CTNNA3: variants seen among roughly 807,000 people sequenced by gnomAD.
The protein encoded by CTNNA3 is catenin alpha 3.
Under a neutral mutation model 95.7 loss-of-function variants are expected in CTNNA3, and 76 were observed. That is an observed-to-expected ratio of 0.79 (90% CI 0.66 to 0.96). The LOEUF (loss-of-function observed/expected upper bound fraction) is 0.96, where lower values mean the gene tolerates loss of function less well. CTNNA3 is among the 40% of genes least tolerant of loss of function. The pLI, the probability that CTNNA3 is intolerant of heterozygous loss-of-function variation, is 0.00. For missense variants in CTNNA3, 1,191 were observed against 1,089.8 expected (o/e 1.09, Z -1.31); for synonymous variants, 431 against 374.4 (o/e 1.15, Z -1.74).
chr10:66,304,363 G>A (rs949752016), intron 12 of CTNNA3, among the ~76,000 whole-genome samples: 2 of 152,140 alleles, frequency 1.3e-5, no homozygotes, highest in Non-Finnish European at 2.9e-5. Flanking sequence ...AACAGCCACA[G>A]AACCTATGGC....
chr10:67,055,038 C>A (rs1855340369), intron 7 of CTNNA3: 1 of 151,728 alleles, frequency 6.6e-6, no homozygotes, highest in Admixed American at 6.6e-5. Context: ...ACTCATTAAC[C>A]AGGACATTGC....
chr10:66,784,179 T>C (rs1427118180), intron 7 of CTNNA3, among the ~76,000 whole-genome samples: 2 of 152,196 alleles, frequency 1.3e-5, no homozygotes, highest in Admixed American at 6.5e-5. Flanking sequence ...CTATCATTTC[T>C]TTCCTAAATT....
intron 15 of CTNNA3, among the ~76,000 whole-genome samples, chr10:66,062,514 C>T (rs2080224100): frequency 1.3e-5 from 2 of 152,068 alleles, no homozygotes; most frequent in Admixed American, 1.3e-4. Context: ...TATAAAACTG[C>T]TAAGTTTAAC....
chr10:65,944,257 C>T (rs2077476092), intron 17 of CTNNA3, among the ~76,000 whole-genome samples: 1 of 152,246 alleles, frequency 6.6e-6, no homozygotes. Flanking sequence ...TACAGTTTCC[C>T]TGGAGCTCGT....
intron 10 of CTNNA3, among the ~76,000 whole-genome samples, chr10:66,569,560 T>C (rs1225158045): frequency 6.6e-6 from 1 of 152,170 alleles, no homozygotes; most frequent in Non-Finnish European, 1.5e-5. Flanking sequence ...TTTTAATTAA[T>C]AAGCAGGACA....
At chr10:67,455,496 A>G (rs183018780) in intron 5 of CTNNA3, among the ~76,000 whole-genome samples, 61 of 152,292 alleles carry the variant, frequency 4.0e-4, no homozygotes, top group African/African-American at 1.4e-3. Context: ...AGGGGAAGGG[A>G]CAGGGTGAGG....
chr10:65,970,000 A>G (rs1357851758), intron 16 of CTNNA3, among the ~76,000 whole-genome samples: 5 of 152,160 alleles, frequency 3.3e-5, no homozygotes, highest in African/African-American at 4.8e-5. Context: ...TACTAAAGAA[A>G]AAATCTCAAA....
intron 11 of CTNNA3, among the ~76,000 whole-genome samples, chr10:66,484,659 A>C (rs919859492): frequency 2.0e-5 from 3 of 152,066 alleles, no homozygotes; most frequent in Non-Finnish European, 2.9e-5. Flanking sequence ...AACATGATGA[A>C]CTGCAACTCC....
chr10:67,297,431 C>T lies in CTNNA3; in HGVS notation c.580-77561G>A, dbSNP rs143386175. ...ACAACTAGATGTAGTGCTCAGAGTT[C>T]AGCCCACTGGAAGGATTTCCCTTCC... On this transcript the variant is annotated intron_variant, in intron 5 of 17. Coordinates refer to ENST00000433211, the MANE Select transcript of CTNNA3 (RefSeq NM_013266.4). Among the ~76,000 whole-genome samples the T allele has an allele frequency of 7.5e-4, 114 of 152,340 alleles. 1 individual carries two copies. Among genetic ancestry groups the T allele is most frequent in the African/African-American group, 2.6e-3 (110 of 41,582 alleles).
intron 15 of CTNNA3, among the ~76,000 whole-genome samples, chr10:66,017,380 C>T (rs560720909): frequency 9.2e-5 from 14 of 151,996 alleles, no homozygotes; most frequent in African/African-American, 2.9e-4. Context: ...CAAGTAAAGA[C>T]CTAGATAGTC....
chr10:66,580,958 C>T (rs961207094), intron 10 of CTNNA3, among the ~76,000 whole-genome samples: 2 of 151,746 alleles, frequency 1.3e-5, no homozygotes, highest in Non-Finnish European at 3.0e-5. Flanking sequence ...CCTTTGCATA[C>T]CCATAGCTTA....
chr10:67,198,295 G>T (rs10997569), intron 6 of CTNNA3, among the ~76,000 whole-genome samples: 55,387 of 151,966 alleles, frequency 0.36, 14,405 homozygotes, highest in African/African-American at 0.74. Context: ...CTAAGCAAGT[G>T]GGTATCTTTG....
At chr10:66,638,260 G>A (rs951231180) in intron 9 of CTNNA3, among the ~76,000 whole-genome samples, 1 of 152,236 alleles carries the variant, frequency 6.6e-6, no homozygotes, top group Admixed American at 6.5e-5. Flanking sequence ...CAAGTGACTT[G>A]TTTTTAAATT....
intron 1 of CTNNA3, among the ~76,000 whole-genome samples, chr10:67,689,802 C>A (rs182532124): frequency 1.3e-5 from 2 of 152,260 alleles, no homozygotes; most frequent in Admixed American, 6.5e-5. Flanking sequence ...AAGCCTGGCA[C>A]CTGTGTCTTT....
At chr10:66,761,236 C>T (rs1231594364) in intron 9 of CTNNA3, among the ~76,000 whole-genome samples, 2 of 151,996 alleles carry the variant, frequency 1.3e-5, no homozygotes, top group Non-Finnish European at 2.9e-5. Context: ...CACCATTTTG[C>T]GAGTGGGAAC....
chr10:67,072,246 G>T (rs1856506109), intron 7 of CTNNA3, among the ~76,000 whole-genome samples: 2 of 152,126 alleles, frequency 1.3e-5, no homozygotes, highest in South Asian at 4.1e-4. Flanking sequence ...AAGCCACCAT[G>T]CCCAACCTGT....
At chr10:67,185,786 T>C (rs921055034) in intron 6 of CTNNA3, among the ~76,000 whole-genome samples, 6 of 151,610 alleles carry the variant, frequency 4.0e-5, no homozygotes, top group Non-Finnish European at 8.8e-5. Context: ...TTTTGGGAGG[T>C]TGAGGTGGGC....
chr10:66,970,140 C>T (rs1370789556), intron 7 of CTNNA3, among the ~76,000 whole-genome samples: 1 of 152,086 alleles, frequency 6.6e-6, no homozygotes, highest in Non-Finnish European at 1.5e-5. Flanking sequence ...TCTTTAAACC[C>T]ACACAAAAAT....
intron 7 of CTNNA3, among the ~76,000 whole-genome samples, chr10:67,023,793 G>A (rs1032433109): frequency 6.6e-6 from 1 of 152,132 alleles, no homozygotes; most frequent in Non-Finnish European, 1.5e-5. Context: ...TAATATACAA[G>A]AAAGCATGTA....
Sources: allele counts gnomAD v4.1 joint callset (sites outside exome capture counted in the v4.1 genomes callset), GRCh38; gene constraint gnomAD v4.1.1; transcripts MANE v1.5; gene names NCBI Gene and HGNC (gene_info 2026-07-23, HGNC 2026-07-21).